ODAM: variants seen among roughly 807,000 people sequenced by gnomAD.
The protein encoded by ODAM is odontogenic ameloblast-associated protein.
A neutral mutation model predicts 48.5 loss-of-function variants in ODAM; 55 were observed. That is an observed-to-expected ratio of 1.13 (90% CI 0.91 to 1.42). The LOEUF is 1.42. Ranked by LOEUF, ODAM falls within the 40% of genes most tolerant of loss-of-function variation. The pLI, the probability that ODAM is intolerant of heterozygous loss-of-function variation, is 0.00. For missense variants in ODAM, 353 were observed against 323.6 expected (o/e 1.09, Z -0.70); for synonymous variants, 127 against 107.8 (o/e 1.18, Z -1.10).
intron 7 of ODAM, 37 bp downstream of exon 7, chr4:70,200,638 A>G (rs776330926): frequency 3.0e-6 from 4 of 1,334,534 alleles, no homozygotes; most frequent in African/African-American, 2.9e-5. Flanking sequence ...TACTAGTTCC[A>G]CTTGAAAATA....
At position 70,197,937 on chromosome 4, in the gene ODAM, C is replaced by G; in HGVS notation, c.155C>G (p.Ser52Ter). 2.5e-6 allele frequency: 4 copies of G among 1,612,938 alleles called. No homozygotes were observed. Among genetic ancestry groups the G allele is most frequent in the Non-Finnish European group, 3.4e-6 (4 of 1,179,310 alleles). ...LPLQLQGPLN[S>*]WIPPFSGILQ... ...GTGTCTTTTTAGGGCCCACTTAATT[C>G]ATGGATTCCACCTTTCTCTGGAATT... is the stretch of plus-strand genomic sequence containing the variant. Residue 52 changes from serine (S) to a stop codon, truncating the protein, a stop_gained, in exon 5 of 12, where the codon TCA (serine) becomes TGA (stop). Transcript: ENST00000683306. LOFTEE classifies it high-confidence loss of function.
At chr4:70,203,276 GA>G in intron 11 of ODAM, 62 bp downstream of exon 11, 2 of 997,224 alleles carry the variant, frequency 2.0e-6, no homozygotes, top group South Asian at 2.8e-5. Context: ...GAAGACAAAA[GA>G]AAAAAGTTGG....
intron 9 of ODAM, 84 bp from the exon 10 acceptor site, chr4:70,202,672 C>A (rs946193552): frequency 6.1e-6 from 6 of 991,670 alleles, no homozygotes; most frequent in Non-Finnish European, 9.0e-6. Context: ...TGTTACATCT[C>A]AATCCTGTTG....
Position 70,201,443 on chromosome 4 carries a change from A to C in ODAM, c.529-11A>C. On this transcript the variant is annotated splice_polypyrimidine_tract_variant and intron_variant, in intron 7 of 11. Coordinates refer to ENST00000683306, the MANE Select transcript of ODAM (RefSeq NM_017855.4). ...CAGAAAATATAATACATTTTTTAAA[A>C]AATCTGACAGATACCATTCTATGCT... The C allele has an allele frequency of 7.0e-7, 1 of 1,428,914 alleles. No individual in the cohort carries two copies. The highest frequency in any genetic ancestry group is 1.7e-4 in the Middle Eastern group (1 of 5,724). 88.5% of individuals were successfully genotyped at this position (1,428,914 alleles called of 1,614,324 possible).
chr4:70,196,743 A>C lies in ODAM; in HGVS notation c.93+10A>C, dbSNP rs376371480. 8.1e-5 allele frequency: 130 copies of C among 1,595,288 alleles called. No individual in the cohort carries two copies. Among genetic ancestry groups the C allele is most frequent in the Non-Finnish European group, 1.1e-4 (124 of 1,168,594 alleles). On this transcript the variant is annotated intron_variant, in intron 3 of 11. Transcript: ENST00000683306. ...CAGCAATAGCAATGAGGTTAGTTTAAATAATTAAAACAATCTCCTCCTTTT... is the reference window on the plus strand; with the variant it reads ...CAGCAATAGCAATGAGGTTAGTTTACATAATTAAAACAATCTCCTCCTTTT...
At position 70,198,060 on chromosome 4, in the gene ODAM, T is replaced by C. The variant is rs1729415662; in HGVS notation, c.278T>C (p.Leu93Ser). The stretch of plus-strand genomic sequence containing the variant: ...GGACTGCTCCCAAATCAGATACCCT[T>C]AACAGGAGAGGCCAGTTTTGCCCAA... The part of the protein sequence containing the change: ...FAGLLPNQIP[L>S]TGEASFAQGA... The change falls in exon 5 of 12, where the codon TTA becomes TCA. Residue 93 changes from leucine (L) to serine (S), a missense_variant. Physicochemically the swap from Leu to Ser is moderately radical, Grantham distance 145. Coordinates refer to ENST00000683306, the MANE Select transcript of ODAM (RefSeq NM_017855.4). 6.2e-7 allele frequency: 1 copy of C among 1,613,174 alleles called. No homozygotes were observed. Among genetic ancestry groups the C allele is most frequent in the Non-Finnish European group, 8.5e-7 (1 of 1,179,558 alleles).
intron 5 of ODAM, 114 bp from the exon 6 acceptor site, chr4:70,198,465 A>G: frequency 1.2e-6 from 1 of 834,018 alleles, no homozygotes; most frequent in East Asian, 2.7e-5. Context: ...TTTGTTGTGG[A>G]AACTTGTTAA....
At chr4:70,202,107 C>A in intron 8 of ODAM, 151 bp from the exon 9 acceptor site, 1 of 629,984 alleles carries the variant, frequency 1.6e-6, no homozygotes, top group East Asian at 2.8e-5. Flanking sequence ...AGCCAGTTCT[C>A]TAATAGCAAA....
In ODAM at chr4:70,198,579, G is replaced by T. The variant is rs1729430582; in HGVS notation, c.376G>T (p.Val126Leu). 6.3e-7 allele frequency: 1 copy of T among 1,589,270 alleles called. No homozygotes were observed. The highest frequency in any genetic ancestry group is 8.5e-7 in the Non-Finnish European group (1 of 1,172,042). Residue 126 changes from valine (V) to leucine (L), a missense_variant and splice_region_variant, in exon 6 of 12, where the codon GTG becomes TTG. Physicochemically the swap from Val to Leu is conservative, Grantham distance 32. Coordinates refer to ENST00000683306, the MANE Select transcript of ODAM (RefSeq NM_017855.4). ...PPQTQPGPSH[V>L]MPYVFSFKMP... is the part of the protein sequence containing the mutation. ...TTTATATAATTCTTTTTTTTGGCAGGTGATGCCCTATGTATTCTCCTTCAA... is the reference window on the plus strand; with the variant it reads ...TTTATATAATTCTTTTTTTTGGCAGTTGATGCCCTATGTATTCTCCTTCAA...
intron 3 of ODAM, 97 bp downstream of exon 3, chr4:70,196,830 C>T (rs1241879645): frequency 3.1e-5 from 29 of 929,264 alleles, no homozygotes; most frequent in Non-Finnish European, 4.3e-5. Flanking sequence ...GTGTTCCTCA[C>T]CACTAGCTTT....
chr4:70,201,092 A>G (rs1249609561), intron 7 of ODAM, among the ~76,000 whole-genome samples: 2 of 151,916 alleles, frequency 1.3e-5, no homozygotes, highest in East Asian at 1.9e-4. Flanking sequence ...GGTGGCTCAT[A>G]TATTATTAAC....
chr4:70,202,250 G>A lies in ODAM; in HGVS notation c.577-8G>A, dbSNP rs1729513440. 9 of 1,609,436 alleles carry A rather than the reference G, an allele frequency of 5.6e-6. No homozygotes were observed. In the East Asian group the frequency reaches 2.0e-4, roughly 36 times the overall value. ...ATTTAGACTTTTTAAAACTTTTTGT[G>A]TTTTTAGGCTATATCAGGAGGACAG... On this transcript the variant is annotated splice_polypyrimidine_tract_variant and splice_region_variant and intron_variant, in intron 8 of 11. Transcript: ENST00000683306.
chr4:70,200,454 T>G, intron 6 of ODAM, 43 bp from the exon 7 acceptor site: 1 of 1,077,202 alleles, frequency 9.3e-7, no homozygotes, highest in Non-Finnish European at 1.4e-6. Flanking sequence ...TGTCCTATGC[T>G]GATTTAATGG....
chr4:70,203,219 G>T lies in ODAM; in HGVS notation c.*29+5G>T, dbSNP rs750022177. On this transcript the variant is annotated splice_donor_5th_base_variant and intron_variant, in intron 11 of 11. Coordinates refer to ENST00000683306, the MANE Select transcript of ODAM (RefSeq NM_017855.4). Reference sequence around the variant, plus strand: ...CCTGATCATTCAGACATTTTGGTAGGTATTTGCCAAAGTCAAGAATTAGGT... The same window carrying T: ...CCTGATCATTCAGACATTTTGGTAGTTATTTGCCAAAGTCAAGAATTAGGT... 32 of 1,549,126 alleles carry T rather than the reference G, an allele frequency of 2.1e-5. 1 individual carries two copies. In the East Asian group the frequency reaches 4.7e-4, roughly 23 times the overall value.
At chr4:70,202,479 C>T in intron 9 of ODAM, 150 bp downstream of exon 9, 1 of 728,930 alleles carries the variant, frequency 1.4e-6, no homozygotes, top group Admixed American at 2.2e-5. Context: ...AGTAAAGATT[C>T]AGTTCACTCT....
Position 70,202,440 on chromosome 4 carries a change from G to GCTC in ODAM, c.648+113_648+114insCCT, listed in dbSNP as rs1553905837. The GCTC allele has an allele frequency of 4.2e-5, 39 of 933,224 alleles. 1 individual carries two copies. In the Admixed American group the frequency reaches 5.1e-4, roughly 12 times the overall value. The allele number at this position is 933,224 out of a possible 1,614,324, so 57.8% of individuals were successfully genotyped here. On this transcript the variant is annotated intron_variant, in intron 9 of 11. Coordinates refer to ENST00000683306, the MANE Select transcript of ODAM (RefSeq NM_017855.4). ...TGTTGTAATTCCATCAATAATTTTTGCTTCTTCTTCTTCTTACAATATTTT... is the reference window on the plus strand; with the variant it reads ...TGTTGTAATTCCATCAATAATTTTTGCTCCTTCTTCTTCTTCTTACAATATTTT...
intron 9 of ODAM, among the ~76,000 whole-genome samples, 158 bp from the exon 10 acceptor site, chr4:70,202,598 C>A (rs1453150950): frequency 6.6e-6 from 1 of 151,788 alleles, no homozygotes; most frequent in Non-Finnish European, 1.5e-5. Context: ...TATTCATGGT[C>A]TTTTATGTAG....
At chr4:70,200,204 T>G in intron 6 of ODAM, 1 of 385,006 alleles carries the variant, frequency 2.6e-6, no homozygotes, top group Non-Finnish European at 4.7e-6. Context: ...AATTTGTATA[T>G]AAAGTTTCTA....
At chr4:70,202,152 T>G in intron 8 of ODAM, 106 bp from the exon 9 acceptor site, 1 of 756,510 alleles carries the variant, frequency 1.3e-6, no homozygotes, top group South Asian at 1.6e-5. Flanking sequence ...AGCAAAATAA[T>G]TTAAGAAGTT....
Sources: allele counts gnomAD v4.1 joint callset (sites outside exome capture counted in the v4.1 genomes callset), GRCh38; gene constraint gnomAD v4.1.1; transcripts MANE v1.5; gene names NCBI Gene and HGNC (gene_info 2026-07-23, HGNC 2026-07-21).